Variants in EXOC6B observed in about 807,000 individuals in gnomAD.
EXOC6B encodes the protein SEC15 homolog B.
EXOC6B carries 54 observed loss-of-function variants against 113.5 expected under a neutral mutation model. The ratio of observed to expected loss-of-function variants is 0.48; its 90% confidence interval spans 0.38 to 0.60. The LOEUF is 0.60. EXOC6B is among the 20% of genes least tolerant of loss of function. EXOC6B has a pLI of 0.00. For synonymous variants in EXOC6B, 357 were observed against 339.0 expected (o/e 1.05, Z -0.58); for missense variants, 797 against 977.5 (o/e 0.82, Z 2.46).
intron 18 of EXOC6B, among the ~76,000 whole-genome samples, chr2:72,422,180 C>T (rs1176165486): frequency 4.6e-5 from 7 of 152,236 alleles, no homozygotes; most frequent in Non-Finnish European, 1.0e-4. Flanking sequence ...GGTGCCCAGT[C>T]CCATCGACCA....
intron 6 of EXOC6B, among the ~76,000 whole-genome samples, chr2:72,682,027 A>ATCTC (rs112745780): frequency 3.4e-5 from 5 of 148,258 alleles, no homozygotes; most frequent in Non-Finnish European, 7.5e-5. Flanking sequence ...AACTAATACA[A>ATCTC]TCTCTCTCTC....
intron 20 of EXOC6B, among the ~76,000 whole-genome samples, chr2:72,302,585 C>G (rs1444905539): frequency 1.3e-5 from 2 of 151,980 alleles, no homozygotes; most frequent in East Asian, 3.9e-4. Flanking sequence ...GTGTAATGTC[C>G]TTCTTTGTCT....
intron 16 of EXOC6B, among the ~76,000 whole-genome samples, chr2:72,491,302 T>G (rs1234174445): frequency 6.6e-6 from 1 of 152,134 alleles, no homozygotes; most frequent in Non-Finnish European, 1.5e-5. Flanking sequence ...TTTTTTTATC[T>G]TAATTCAGAG....
intron 8 of EXOC6B, among the ~76,000 whole-genome samples, chr2:72,529,396 T>C (rs1701887111): frequency 6.6e-6 from 1 of 152,212 alleles, no homozygotes; most frequent in East Asian, 1.9e-4. Context: ...TTTGCATCTA[T>C]ATTTACAAGG....
intron 6 of EXOC6B, among the ~76,000 whole-genome samples, chr2:72,614,393 A>G (rs1259656629): frequency 1.3e-5 from 2 of 152,152 alleles, no homozygotes; most frequent in Admixed American, 6.5e-5. Context: ...TTAAGCATTT[A>G]TGGACACTGA....
chr2:72,410,407 T>G (rs1297450660), intron 18 of EXOC6B, among the ~76,000 whole-genome samples: 1 of 152,234 alleles, frequency 6.6e-6, no homozygotes, highest in Admixed American at 6.5e-5. Context: ...AACTGAAAAC[T>G]ACTATGTGAT....
intron 18 of EXOC6B, among the ~76,000 whole-genome samples, chr2:72,426,342 T>C (rs1695195241): frequency 6.6e-6 from 1 of 152,246 alleles, no homozygotes; most frequent in African/African-American, 2.4e-5. Flanking sequence ...TCATTTTATC[T>C]CCTTGAGAGT....
intron 19 of EXOC6B, among the ~76,000 whole-genome samples, chr2:72,373,325 G>C (rs1202125501): frequency 6.6e-6 from 1 of 152,050 alleles, no homozygotes; most frequent in Non-Finnish European, 1.5e-5. Context: ...AAAGTGCTAG[G>C]ATTATAGGCA....
intron 8 of EXOC6B, among the ~76,000 whole-genome samples, chr2:72,540,209 G>C (rs1319962697): frequency 1.3e-5 from 2 of 151,812 alleles, no homozygotes; most frequent in South Asian, 2.1e-4. Context: ...TGGACATTTG[G>C]GTTGGTTCCA....
intron 18 of EXOC6B, among the ~76,000 whole-genome samples, chr2:72,438,307 G>C (rs576785924): frequency 6.7e-6 from 1 of 149,486 alleles, no homozygotes; most frequent in South Asian, 2.1e-4. Context: ...ATCAATCTTT[G>C]TGGAAAAAAA....
chr2:72,658,694 G>A (rs373011656), intron 6 of EXOC6B, among the ~76,000 whole-genome samples: 4 of 151,914 alleles, frequency 2.6e-5, no homozygotes, highest in East Asian at 1.9e-4. Flanking sequence ...TCTAGTAAGC[G>A]TATATACTTC....
At chr2:72,238,231 AC>A (rs1682084649) in intron 20 of EXOC6B, among the ~76,000 whole-genome samples, 1 of 152,198 alleles carries the variant, frequency 6.6e-6, no homozygotes, top group African/African-American at 2.4e-5. Flanking sequence ...ATGTTGTGGC[AC>A]ACATCATTAC....
At chr2:72,739,361 G>A (rs1681161490) in intron 2 of EXOC6B, among the ~76,000 whole-genome samples, 2 of 151,910 alleles carry the variant, frequency 1.3e-5, no homozygotes, top group African/African-American at 2.4e-5. Context: ...TATGTAAACT[G>A]TACGTTATTG....
chr2:72,714,409 A>G (rs567310502), intron 6 of EXOC6B, among the ~76,000 whole-genome samples: 2 of 152,350 alleles, frequency 1.3e-5, no homozygotes, highest in African/African-American at 4.8e-5. Flanking sequence ...GGCCTGTTGC[A>G]CTATAAGTGA....
In EXOC6B at chr2:72,580,204, C is replaced by T. The variant is rs887150310; in HGVS notation, c.670-4536G>A. Among the ~76,000 whole-genome samples the T allele has an allele frequency of 2.2e-4, 31 of 141,770 alleles. 1 individual carries two copies. The highest frequency in any genetic ancestry group is 1.5e-3 in the Admixed American group (20 of 13,730). The allele number at this position is 141,770 out of a possible 152,430, so 93.0% of individuals were successfully genotyped here. On this transcript the variant is annotated intron_variant, in intron 6 of 21. Transcript: ENST00000272427. ...TCATCCAGGCTAGAGTGCAGTGGCG[C>T]GATATCGGCTCACTGCAACCTCTGC...
chr2:72,287,439 A>G (rs1361602487), intron 20 of EXOC6B, among the ~76,000 whole-genome samples: 6 of 149,604 alleles, frequency 4.0e-5, no homozygotes, highest in Non-Finnish European at 1.5e-5. Flanking sequence ...TCAAAAAAAA[A>G]AAAATAAAAA....
rs368860726 is a variant in EXOC6B, at chr2:72,718,326, A to G, written c.465-19T>C. 1.3e-5 allele frequency: 21 copies of G among 1,610,010 alleles called. No individual in the cohort carries two copies. The highest frequency in any genetic ancestry group is 1.7e-5 in the Non-Finnish European group (20 of 1,177,090). On this transcript the variant is annotated intron_variant, in intron 5 of 21. Transcript: ENST00000272427. ...ATAATGCCTACAAAAGGAATTGATC[A>G]CCTTTAGCTCACTCAGTTTTCTTTA... is the stretch of plus-strand genomic sequence containing the variant.
At chr2:72,444,944 C>T (rs1374728569) in intron 18 of EXOC6B, among the ~76,000 whole-genome samples, 1 of 152,220 alleles carries the variant, frequency 6.6e-6, no homozygotes, top group Non-Finnish European at 1.5e-5. Flanking sequence ...ATGCAAATTT[C>T]TGCAGCTGGC....
rs1485467535 is a variant in EXOC6B, at chr2:72,526,928, A to G, written c.916-11802T>C. Among the ~76,000 whole-genome samples the G allele has an allele frequency of 7.2e-5, 11 of 152,022 alleles. No homozygotes were observed. The East Asian group carries it at 2.1e-3, about 29-fold the overall frequency. On this transcript the variant is annotated intron_variant, in intron 8 of 21. Transcript: ENST00000272427. Reference sequence around the variant, plus strand: ...CATGTGCACTCTATCCAGTCCCCCAAATTTAAACATCTTAGGAAACTATAT... The same window carrying G: ...CATGTGCACTCTATCCAGTCCCCCAGATTTAAACATCTTAGGAAACTATAT...
Sources: allele counts gnomAD v4.1 joint callset (sites outside exome capture counted in the v4.1 genomes callset), GRCh38; gene constraint gnomAD v4.1.1; transcripts MANE v1.5; gene names NCBI Gene and HGNC (gene_info 2026-07-23, HGNC 2026-07-21).